Variants in TRIM67 observed in about 807,000 individuals in gnomAD.
The protein encoded by TRIM67 is tripartite motif containing 67.
A neutral mutation model predicts 71.0 loss-of-function variants in TRIM67; 39 were observed. The ratio of observed to expected loss-of-function variants is 0.55; its 90% CI spans 0.43 to 0.72. TRIM67 has a LOEUF of 0.72. Ranked by LOEUF, TRIM67 falls within the 30% of genes least tolerant of loss-of-function variation. The pLI is 0.00. For synonymous variants in TRIM67, 481 were observed against 473.9 expected, an observed-to-expected ratio of 1.01 and a Z score of -0.19; for missense variants, 973 against 1,079.2, an observed-to-expected ratio of 0.90 and a Z score of 1.38.
chr1:231,210,865 C>G (rs1683848169), intron 8 of TRIM67, among the ~76,000 whole-genome samples: 1 of 151,344 alleles, frequency 6.6e-6, no homozygotes, highest in Non-Finnish European at 1.5e-5. Flanking sequence ...CTTAGTGAGA[C>G]CCTGTCTCTG....
chr1:231,178,225 T>C (rs1236985227), intron 1 of TRIM67, among the ~76,000 whole-genome samples: 1 of 152,218 alleles, frequency 6.6e-6, no homozygotes, highest in Non-Finnish European at 1.5e-5. Context: ...TAGCACTGCT[T>C]CAACTTTTGA....
rs1471432132 is a variant in TRIM67 at position 231,163,365 on chromosome 1, C to CG, written c.397dup (p.Ala133GlyfsTer175). On this transcript the variant is annotated frameshift_variant, in exon 1 of 10. Transcript: ENST00000366653. LOFTEE classifies it high-confidence loss of function. ...GGGTTCGCGTGCTGCCCATGGTGCC[C>CG]GCACCACCCGGCTCCTCGGCTGCGG... The CG allele has an allele frequency of 6.5e-7, 1 of 1,533,718 alleles. No individual in the cohort carries two copies. The highest frequency in any genetic ancestry group is 8.8e-7 in the Non-Finnish European group (1 of 1,140,900).
chr1:231,185,220 C>T lies in TRIM67; in HGVS notation c.1045-12151C>T, dbSNP rs925779139. 3.9e-6 allele frequency: 6 copies of T among 1,533,034 alleles called. No homozygotes were observed. In the East Asian group the frequency reaches 7.3e-5, roughly 19 times the overall value. The allele number at this position is 1,533,034 out of a possible 1,614,324, so 95.0% of individuals were successfully genotyped here. ...CCACCCTTCTCAGGATTCCCAGAGC[C>T]TTTATCTGAAAACTCCCTGTGAGAA... On this transcript the variant is annotated intron_variant, in intron 1 of 9. Transcript: ENST00000366653.
At chr1:231,188,966 C>T (rs1196944946) in intron 1 of TRIM67, among the ~76,000 whole-genome samples, 1 of 152,160 alleles carries the variant, frequency 6.6e-6, no homozygotes, top group East Asian at 1.9e-4. Flanking sequence ...TTTCTGGCCT[C>T]AGCGGGTGGA....
chr1:231,202,944 C>T (rs1410054931), intron 5 of TRIM67, among the ~76,000 whole-genome samples: 1 of 152,050 alleles, frequency 6.6e-6, no homozygotes. Context: ...GGTAACTGGA[C>T]TGGATGGGGT....
intron 2 of TRIM67, 73 bp from the exon 3 acceptor site, chr1:231,198,974 G>A (rs2102747637): frequency 6.2e-7 from 1 of 1,607,308 alleles, no homozygotes; most frequent in East Asian, 2.2e-5. Flanking sequence ...TTTGTCTATA[G>A]CACTCACCAG....
chr1:231,209,275 C>G lies in TRIM67; in HGVS notation c.2123+25C>G. On this transcript the variant is annotated intron_variant, in intron 8 of 9. Transcript: ENST00000366653. The surrounding 1 kb of genome is among the most constrained non-coding windows in gnomAD (Gnocchi z 4.1). ...GGTGCGATTGGGCCCCATCCTGCCT[C>G]CCGTGGACACAGGTTGTTTGGGAAT... 6.6e-7 allele frequency: 1 copy of G among 1,513,188 alleles called. No homozygotes were observed. The highest frequency in any genetic ancestry group is 8.9e-7 in the Non-Finnish European group (1 of 1,125,884). 93.7% of individuals were successfully genotyped at this position (1,513,188 alleles called of 1,614,324 possible).
chr1:231,210,485 A>C (rs1392675023), intron 8 of TRIM67, among the ~76,000 whole-genome samples: 1 of 151,352 alleles, frequency 6.6e-6, no homozygotes, highest in Non-Finnish European at 1.5e-5. Context: ...AGAGGCGGGC[A>C]GCTCTGTGCC....
chr1:231,197,525 A>G lies in TRIM67; in HGVS notation c.1140+59A>G, dbSNP rs973924549. ...AGTGTTGAAAGTTTGCACGTTGTGCATCGTATTAAGAAGAAAGAGGCGGGG... is the reference window on the plus strand; with the variant it reads ...AGTGTTGAAAGTTTGCACGTTGTGCGTCGTATTAAGAAGAAAGAGGCGGGG... On this transcript the variant is annotated intron_variant, in intron 2 of 9. Transcript: ENST00000366653. 1.3e-5 allele frequency: 20 copies of G among 1,535,136 alleles called. No homozygotes were observed. The Admixed American group carries it at 1.5e-4, about 12-fold the overall frequency.
In TRIM67 at chr1:231,200,173, G is replaced by T. The variant is rs1224050008; in HGVS notation, c.1289G>T (p.Cys430Phe). The T allele has an allele frequency of 6.2e-7, 1 of 1,613,854 alleles. No individual in the cohort carries two copies. The highest frequency in any genetic ancestry group is 8.5e-7 in the Non-Finnish European group (1 of 1,179,794). The change falls in exon 4 of 10, where the codon TGC becomes TTC. Residue 430 changes from cysteine (C) to phenylalanine (F), a missense_variant. By Grantham distance (205) the Cys-to-Phe change is radical. Around this residue, in one of 2 missense-constraint regions of TRIM67, gnomAD observed 795 missense variants for 831.3 expected, o/e 0.96. Transcript: ENST00000366653. Reference sequence around the variant, plus strand: ...ATGGTTTGGGACCAGATCAATCACTGCACATTGAAGCTGCGTCAGTCCACC... The same window carrying T: ...ATGGTTTGGGACCAGATCAATCACTTCACATTGAAGCTGCGTCAGTCCACC... ...LKMVWDQINH[C>F]TLKLRQSTGL...
At position 231,197,409 on chromosome 1, in the gene TRIM67, G is replaced by A. The variant is rs1263988293; in HGVS notation, c.1083G>A (p.Lys361=). ...LSQALNGVSD[K]AKEAKEFLVQ... Reference sequence around the variant, plus strand: ...AGGCCTTAAATGGAGTTTCAGATAAGGCAAAGGAAGCAAAGGAGTTTCTGG... The same window carrying A: ...AGGCCTTAAATGGAGTTTCAGATAAAGCAAAGGAAGCAAAGGAGTTTCTGG... Residue 361 remains lysine, a synonymous_variant, in exon 2 of 10, where the codon AAG becomes AAA. Transcript: ENST00000366653. 3 of 1,613,844 alleles carry A rather than the reference G, an allele frequency of 1.9e-6. No homozygotes were observed. Among genetic ancestry groups the A allele is most frequent in the Non-Finnish European group, 2.5e-6 (3 of 1,179,888 alleles).
chr1:231,197,376 A>G lies in TRIM67; in HGVS notation c.1050A>G (p.Gln350=), dbSNP rs1036138547. 6.2e-7 allele frequency: 1 copy of G among 1,613,544 alleles called. No homozygotes were observed. Among genetic ancestry groups the G allele is most frequent in the Non-Finnish European group, 8.5e-7 (1 of 1,179,732 alleles). The change falls in exon 2 of 10, where the codon CAA becomes CAG. Residue 350 remains glutamine (Q), a synonymous_variant. Coordinates refer to ENST00000366653, the MANE Select transcript of TRIM67 (RefSeq NM_001004342.5). ...LGAMWKQHKA[Q]LSQALNGVSD... Reference sequence around the variant, plus strand: ...ACATGTGATATCTTTTTCAGGCACAACTATCTCAGGCCTTAAATGGAGTTT... The same window carrying G: ...ACATGTGATATCTTTTTCAGGCACAGCTATCTCAGGCCTTAAATGGAGTTT...
chr1:231,174,717 A>G (rs1294155541), intron 1 of TRIM67, among the ~76,000 whole-genome samples: 1 of 152,144 alleles, frequency 6.6e-6, no homozygotes, highest in Non-Finnish European at 1.5e-5. Flanking sequence ...ACCCAGGAAG[A>G]AAGAGTTTTT....
At chr1:231,203,825 C>T (rs372058406) in intron 5 of TRIM67, 42 bp from the exon 6 acceptor site, 3 of 1,589,850 alleles carry the variant, frequency 1.9e-6, no homozygotes, top group African/African-American at 1.3e-5. Flanking sequence ...CTGGGGCCCT[C>T]GGAGGGCTTC....
At chr1:231,211,050 A>ATATATATT (rs1553328757) in intron 8 of TRIM67, among the ~76,000 whole-genome samples, 5 of 135,612 alleles carry the variant, frequency 3.7e-5, no homozygotes, top group Non-Finnish European at 7.6e-5. Context: ...ATATATATAT[A>ATATATATT]TTTTGTTTGT....
intron 2 of TRIM67, 67 bp downstream of exon 2, chr1:231,197,533 A>G: frequency 6.7e-7 from 1 of 1,498,056 alleles, no homozygotes; most frequent in Non-Finnish European, 9.3e-7. Context: ...GCATCGTATT[A>G]AGAAGAAAGA....
In TRIM67 at chr1:231,179,161, C is replaced by T. The variant is rs55725284; in HGVS notation, c.1044+15148C>T. Among the ~76,000 whole-genome samples the T allele has an allele frequency of 2.7e-3, 406 of 152,302 alleles. 3 individuals are homozygous for T. The highest frequency in any genetic ancestry group is 9.0e-3 in the African/African-American group (373 of 41,560). ...GTCCAAAATCAAGGTGTCGGCAGGG[C>T]GGTGTTCCCTCTGAAGGGACCAGGA... On this transcript the variant is annotated intron_variant, in intron 1 of 9. Transcript: ENST00000366653.
intron 7 of TRIM67, among the ~76,000 whole-genome samples, chr1:231,208,671 A>G (rs113652344): frequency 1.4e-4 from 21 of 152,300 alleles, no homozygotes; most frequent in African/African-American, 4.6e-4. Context: ...CCAAGACCAG[A>G]AAATGCATCT....
intron 4 of TRIM67, 82 bp downstream of exon 4, chr1:231,200,340 G>A: frequency 2.3e-6 from 2 of 873,304 alleles, no homozygotes; most frequent in Non-Finnish European, 3.9e-6. Flanking sequence ...TTCTAGGCAA[G>A]ATCCTTTCAC....
Sources: allele counts gnomAD v4.1 joint callset (sites outside exome capture counted in the v4.1 genomes callset), GRCh38; gene constraint gnomAD v4.1.1; regional missense constraint gnomAD v4.1.1; non-coding constraint Gnocchi (gnomAD v3.1); transcripts MANE v1.5; gene names NCBI Gene and HGNC (gene_info 2026-07-23, HGNC 2026-07-21).